The following RNF38 variants were observed in gnomAD, a reference collection of about 807,000 sequenced individuals.
RNF38 encodes the protein E3 ubiquitin-protein ligase RNF38.
A neutral mutation model predicts 67.2 loss-of-function variants in RNF38; 15 were observed. That is an observed-to-expected ratio of 0.22 (90% CI 0.15 to 0.34). The LOEUF (loss-of-function observed/expected upper bound fraction) is 0.34, where lower values mean the gene tolerates loss of function less well. Among genes scored for constraint, RNF38 ranks in the 10% least tolerant of loss-of-function variants. The pLI, the probability that RNF38 is intolerant of heterozygous loss-of-function variation, is 1.00. For synonymous variants in RNF38, 220 were observed against 218.8 expected (o/e 1.01, Z -0.05); for missense variants, 524 against 639.9 (o/e 0.82, Z 1.95).
At chr9:36,365,381 A>G (rs964890695) in intron 4 of RNF38, among the ~76,000 whole-genome samples, 1 of 152,026 alleles carries the variant, frequency 6.6e-6, no homozygotes, top group African/African-American at 2.4e-5. Flanking sequence ...AGCCTGGCCA[A>G]CATGGTGAAA....
rs1247727112 is a variant in RNF38 at position 36,355,694 on chromosome 9, C to T, written c.909+609G>A. On this transcript the variant is annotated intron_variant, in intron 6 of 11. Transcript: ENST00000259605. ...TTCAGATTTACTTCCTGAAGGACTG[C>T]AGATGTAATAGAACACAAATTTAGA... 2.6e-5 allele frequency among the ~76,000 whole-genome samples: 4 copies of T among 152,126 alleles called. 1 individual carries two copies. Among genetic ancestry groups the T allele is most frequent in the Admixed American group, 2.6e-4 (4 of 15,288 alleles).
Position 36,353,338 on chromosome 9 carries a change from A to G in RNF38, c.910-7T>C, listed in dbSNP as rs776306325. On this transcript the variant is annotated splice_region_variant and splice_polypyrimidine_tract_variant and intron_variant, in intron 6 of 11. Coordinates refer to ENST00000259605, the MANE Select transcript of RNF38 (RefSeq NM_022781.5). ...TTTCTATCCTTTGCAGAGGCTGAGG[A>G]GGGGGAAAAAAAAACACATATATGT... 1.9e-6 allele frequency: 3 copies of G among 1,567,770 alleles called. No individual in the cohort carries two copies. The highest frequency in any genetic ancestry group is 2.6e-6 in the Non-Finnish European group (3 of 1,160,752).
intron 1 of RNF38, among the ~76,000 whole-genome samples, chr9:36,399,288 A>G (rs913408930): frequency 1.3e-5 from 2 of 152,116 alleles, no homozygotes. Flanking sequence ...TTTAAGTCCA[A>G]CTTTTTTTAT....
intron 2 of RNF38, among the ~76,000 whole-genome samples, chr9:36,417,772 A>G (rs891477148): frequency 1.3e-5 from 2 of 152,102 alleles, no homozygotes; most frequent in Non-Finnish European, 2.9e-5. Flanking sequence ...TGGCCTCCCA[A>G]TCTGCTGGGA....
At chr9:36,447,669 T>C (rs1280519544) in intron 1 of RNF38, among the ~76,000 whole-genome samples, 2 of 152,116 alleles carry the variant, frequency 1.3e-5, no homozygotes, top group Non-Finnish European at 2.9e-5. Flanking sequence ...TCTTCAGCTG[T>C]CTTAGGATAC....
chr9:36,407,647 G>A (rs1230039683), intron 2 of RNF38, among the ~76,000 whole-genome samples: 1 of 152,144 alleles, frequency 6.6e-6, no homozygotes, highest in Non-Finnish European at 1.5e-5. Context: ...CCACTAGATG[G>A]CCTGCTGTAA....
At chr9:36,460,607 G>A (rs1052757201) in intron 1 of RNF38, among the ~76,000 whole-genome samples, 1 of 152,112 alleles carries the variant, frequency 6.6e-6, no homozygotes, top group Admixed American at 6.6e-5. Context: ...AAAAAAAGGA[G>A]CCAGGCGCGG....
chr9:36,400,876 G>A (rs1837972908), upstream of RNF38: 19 of 979,540 alleles, frequency 1.9e-5, no homozygotes, highest in Non-Finnish European at 2.2e-5. Context: ...CACCGCACTA[G>A]GGGCCCGGCC....
intron 4 of RNF38, among the ~76,000 whole-genome samples, chr9:36,368,673 A>C (rs1409649687): frequency 6.6e-6 from 1 of 152,176 alleles, no homozygotes; most frequent in Non-Finnish European, 1.5e-5. Context: ...CATGAACATA[A>C]TAAAAATGTC....
chr9:36,339,695 G>A lies in RNF38; in HGVS notation c.*57C>T. ...CCACACAGATTAAGTTCAATGGATA[G>A]TCCGTATATACATGTGATGAGGAAC... On this transcript the variant is annotated 3_prime_UTR_variant, in exon 12 of 12. Transcript: ENST00000259605. The A allele has an allele frequency of 5.1e-6, 7 of 1,364,732 alleles. No homozygotes were observed. Among genetic ancestry groups the A allele is most frequent in the Non-Finnish European group, 7.3e-6 (7 of 962,832 alleles). The allele number at this position is 1,364,732 out of a possible 1,614,324, so 84.5% of individuals were successfully genotyped here. A position where few individuals can be genotyped will look rare whatever the true frequency, so the allele number is the denominator to read the frequency against.
At chr9:36,449,726 C>T (rs966286917) in intron 1 of RNF38, among the ~76,000 whole-genome samples, 3 of 152,152 alleles carry the variant, frequency 2.0e-5, no homozygotes, top group African/African-American at 7.2e-5. Context: ...TGAGCCACCG[C>T]TCCCAGCCTA....
chr9:36,366,911 T>C (rs1407908699), intron 4 of RNF38, among the ~76,000 whole-genome samples: 1 of 152,166 alleles, frequency 6.6e-6, no homozygotes, highest in Non-Finnish European at 1.5e-5. Flanking sequence ...AGGGAGAAAT[T>C]GCCCCTGCTT....
intron 1 of RNF38, among the ~76,000 whole-genome samples, chr9:36,487,135 G>A (rs933298615): frequency 6.6e-6 from 1 of 152,202 alleles, no homozygotes; most frequent in Admixed American, 6.5e-5. Context: ...CTTTGTGAGC[G>A]CTCGGCGCGG....
chr9:36,477,544 G>A (rs1031444387), intron 1 of RNF38, among the ~76,000 whole-genome samples: 8 of 151,552 alleles, frequency 5.3e-5, no homozygotes, highest in South Asian at 2.1e-4. Flanking sequence ...GTAGTTGGCC[G>A]GGTACTGTGG....
chr9:36,449,946 A>G (rs1839396784), intron 1 of RNF38, among the ~76,000 whole-genome samples: 1 of 152,176 alleles, frequency 6.6e-6, no homozygotes, highest in Non-Finnish European at 1.5e-5. Context: ...TTCTCCCCAT[A>G]AAATACATAG....
chr9:36,427,186 C>G (rs983270305), intron 1 of RNF38, among the ~76,000 whole-genome samples: 2 of 152,098 alleles, frequency 1.3e-5, no homozygotes, highest in African/African-American at 4.8e-5. Context: ...TTTCCTGACT[C>G]ATGGCAAGTA....
chr9:36,353,558 AT>A (rs1288303820), intron 6 of RNF38, among the ~76,000 whole-genome samples: 2 of 152,186 alleles, frequency 1.3e-5, no homozygotes, highest in East Asian at 3.8e-4. Flanking sequence ...GTTATCAAAC[AT>A]TTCCATTACC....
upstream of RNF38, chr9:36,400,876 G>T: frequency 1.0e-6 from 1 of 979,540 alleles, no homozygotes; most frequent in South Asian, 4.6e-5. Flanking sequence ...CACCGCACTA[G>T]GGGCCCGGCC....
chr9:36,375,801 CGTGA>C, intron 3 of RNF38, 129 bp downstream of exon 3: 1 of 751,468 alleles, frequency 1.3e-6, no homozygotes, highest in Non-Finnish European at 2.1e-6. Context: ...CTTTCTTTTT[CGTGA>C]GTGAATGTAC....
Sources: allele counts gnomAD v4.1 joint callset (sites outside exome capture counted in the v4.1 genomes callset), GRCh38; gene constraint gnomAD v4.1.1; transcripts MANE v1.5; gene names NCBI Gene and HGNC (gene_info 2026-07-23, HGNC 2026-07-21).